The following BMPR1B variants were observed in gnomAD, a reference collection of about 807,000 sequenced individuals.
The protein encoded by BMPR1B is bone morphogenetic protein receptor type-1B.
A neutral mutation model predicts 59.1 loss-of-function variants in BMPR1B; 12 were observed. The observed-to-expected ratio is 0.20, with a 90% CI of 0.13 to 0.33. The LOEUF (loss-of-function observed/expected upper bound fraction) is 0.33, where lower values mean the gene tolerates loss of function less well. BMPR1B is among the 10% of genes least tolerant of loss of function. The pLI, the probability that BMPR1B is intolerant of heterozygous loss-of-function variation, is 1.00. For missense variants in BMPR1B, 550 were observed against 610.9 expected, an observed-to-expected ratio of 0.90 and a Z score of 1.05; for synonymous variants, 237 against 207.3, an observed-to-expected ratio of 1.14 and a Z score of -1.23.
At chr4:94,796,919 G>A (rs7677261) in intron 1 of BMPR1B, among the ~76,000 whole-genome samples, 47,785 of 152,124 alleles carry the variant, frequency 0.31, 8,107 homozygotes, top group African/African-American at 0.44. Context: ...ATTAAATGTA[G>A]TATGGAAGGG....
intron 3 of BMPR1B, among the ~76,000 whole-genome samples, chr4:95,009,309 G>A (rs1723066183): frequency 6.6e-6 from 1 of 151,918 alleles, no homozygotes; most frequent in Non-Finnish European, 1.5e-5. Flanking sequence ...TCAGGAAATA[G>A]GTATGCAATT....
intron 2 of BMPR1B, among the ~76,000 whole-genome samples, chr4:94,992,639 G>T (rs1361521819): frequency 6.6e-6 from 1 of 152,152 alleles, no homozygotes; most frequent in Non-Finnish European, 1.5e-5. Flanking sequence ...TAGACCACAT[G>T]CCTCAAGAAG....
At chr4:94,819,246 C>A (rs1047464903) in intron 1 of BMPR1B, among the ~76,000 whole-genome samples, 1 of 151,986 alleles carries the variant, frequency 6.6e-6, no homozygotes, top group South Asian at 2.1e-4. Flanking sequence ...TAATATATTT[C>A]TCCCTCTTTT....
intron 3 of BMPR1B, among the ~76,000 whole-genome samples, chr4:95,036,317 A>T (rs1382514852): frequency 6.6e-6 from 1 of 151,932 alleles, no homozygotes; most frequent in Non-Finnish European, 1.5e-5. Context: ...TTTCTCTCTA[A>T]CTGTTTTTTT....
intron 1 of BMPR1B, among the ~76,000 whole-genome samples, chr4:94,838,595 C>G (rs201278003): frequency 2.2e-5 from 3 of 138,976 alleles, no homozygotes; most frequent in African/African-American, 2.7e-5. Context: ...TCTGTTGGAT[C>G]GGTGGTGATA....
At chr4:94,802,668 T>C (rs895324034) in intron 1 of BMPR1B, among the ~76,000 whole-genome samples, 1 of 152,172 alleles carries the variant, frequency 6.6e-6, no homozygotes, top group Non-Finnish European at 1.5e-5. Context: ...CAAAATTCAC[T>C]TAGGTTACAA....
chr4:95,095,139 T>A (rs921803360), intron 3 of BMPR1B, among the ~76,000 whole-genome samples: 1 of 151,984 alleles, frequency 6.6e-6, no homozygotes, highest in African/African-American at 2.4e-5. Flanking sequence ...GTGATGAAAA[T>A]GAAACTCAGG....
At chr4:94,933,776 C>T (rs1341334033) in intron 2 of BMPR1B, among the ~76,000 whole-genome samples, 1 of 152,126 alleles carries the variant, frequency 6.6e-6, no homozygotes, top group African/African-American at 2.4e-5. Flanking sequence ...ACAATCTCAA[C>T]ACCCAATTAT....
chr4:94,877,759 T>C (rs1384741785), intron 2 of BMPR1B, among the ~76,000 whole-genome samples: 3 of 152,294 alleles, frequency 2.0e-5, no homozygotes, highest in Admixed American at 6.5e-5. Flanking sequence ...TCCAGAGATA[T>C]CAACTATCAA....
intron 2 of BMPR1B, among the ~76,000 whole-genome samples, chr4:94,911,786 C>T (rs1728283091): frequency 1.3e-5 from 2 of 152,094 alleles, no homozygotes; most frequent in Non-Finnish European, 2.9e-5. Context: ...GTAATGGTGG[C>T]TCCCCATGGC....
At chr4:95,069,637 A>C (rs1207075377) in intron 3 of BMPR1B, among the ~76,000 whole-genome samples, 1 of 152,076 alleles carries the variant, frequency 6.6e-6, no homozygotes, top group South Asian at 2.1e-4. Context: ...AGATATCTTT[A>C]TGTTGTTTTA....
chr4:94,955,851 A>G (rs527910119), intron 2 of BMPR1B, among the ~76,000 whole-genome samples: 1 of 151,622 alleles, frequency 6.6e-6, no homozygotes, highest in Non-Finnish European at 1.5e-5. Flanking sequence ...CTGGTCTCGA[A>G]CTCCTGGCTT....
intron 2 of BMPR1B, among the ~76,000 whole-genome samples, chr4:94,982,091 G>A (rs976804658): frequency 6.6e-6 from 1 of 152,110 alleles, no homozygotes; most frequent in African/African-American, 2.4e-5. Context: ...CAAATTATAA[G>A]CAAATGTATT....
chr4:94,777,456 G>A (rs143552214), intron 1 of BMPR1B, among the ~76,000 whole-genome samples: 4,380 of 152,112 alleles, frequency 0.029, 100 homozygotes, highest in South Asian at 0.067. Context: ...TAAAAGAAAT[G>A]CAAATTAACC....
chr4:94,903,911 T>C (rs1253356226), intron 2 of BMPR1B, among the ~76,000 whole-genome samples: 1 of 152,000 alleles, frequency 6.6e-6, no homozygotes, highest in African/African-American at 2.4e-5. Context: ...AGTGAGCAAA[T>C]AAATTGCTGT....
chr4:94,926,583 T>G (rs537345047), intron 2 of BMPR1B, among the ~76,000 whole-genome samples: 20 of 152,136 alleles, frequency 1.3e-4, no homozygotes, highest in Non-Finnish European at 2.5e-4. Flanking sequence ...TTGTTAAATT[T>G]GGTGATCATG....
chr4:95,119,654 A>G (rs1328382666), intron 6 of BMPR1B, among the ~76,000 whole-genome samples: 1 of 152,144 alleles, frequency 6.6e-6, no homozygotes, highest in African/African-American at 2.4e-5. Context: ...ATTATTGGTA[A>G]CATTTCTTAA....
chr4:94,996,456 C>T (rs971744278), intron 3 of BMPR1B: 3 of 152,116 alleles, frequency 2.0e-5, no homozygotes, highest in East Asian at 1.9e-4. Flanking sequence ...ACTTTTATGT[C>T]GGTATTAAAA....
chr4:94,852,013 T>C (rs148547533), intron 1 of BMPR1B, among the ~76,000 whole-genome samples: 2 of 152,110 alleles, frequency 1.3e-5, no homozygotes, highest in African/African-American at 4.8e-5. Flanking sequence ...ATTGTGTAGA[T>C]TGGAAATAAA....
Sources: allele counts gnomAD v4.1 joint callset (sites outside exome capture counted in the v4.1 genomes callset), GRCh38; gene constraint gnomAD v4.1.1; transcripts MANE v1.5; gene names NCBI Gene and HGNC (gene_info 2026-07-23, HGNC 2026-07-21).